The following VRK1 variants were observed in gnomAD, a reference collection of about 807,000 sequenced individuals.
VRK1 encodes the protein VRK serine/threonine kinase 1.
VRK1 carries 33 observed loss-of-function variants against 57.1 expected under a neutral mutation model. The observed-to-expected ratio is 0.58, with a 90% confidence interval of 0.44 to 0.77. VRK1 has a LOEUF of 0.77. Among genes scored for constraint, VRK1 ranks in the 30% least tolerant of loss-of-function variants. The pLI is 0.00. For synonymous variants in VRK1, 137 were observed against 147.8 expected, an observed-to-expected ratio of 0.93 and a Z score of 0.53; for missense variants, 413 against 477.3, an observed-to-expected ratio of 0.87 and a Z score of 1.25.
chr14:96,799,383 GT>G (rs1431297721), intron 1 of VRK1, among the ~76,000 whole-genome samples: 2 of 151,628 alleles, frequency 1.3e-5, no homozygotes, highest in African/African-American at 4.8e-5. Context: ...TAAGTGAAAT[GT>G]CCCAGATGTC....
chr14:96,858,997 A>G (rs1201999816), intron 10 of VRK1: 1 of 152,164 alleles, frequency 6.6e-6, no homozygotes, highest in Non-Finnish European at 1.5e-5. Flanking sequence ...TGACATCTTT[A>G]TACTGTTGAG....
Position 96,863,916 on chromosome 14 carries a change from C to G in VRK1, c.1068+3181C>G, listed in dbSNP as rs149441709. On this transcript the variant is annotated intron_variant, in intron 11 of 12. Coordinates refer to ENST00000216639, the MANE Select transcript of VRK1 (RefSeq NM_003384.3). ...GGTGGACAGCTTTCTTCCTTTCTTTCTGAAGGGATTGCACCTCGTACAGCC... is the reference window on the plus strand; with the variant it reads ...GGTGGACAGCTTTCTTCCTTTCTTTGTGAAGGGATTGCACCTCGTACAGCC... Among the ~76,000 whole-genome samples, 400 of 152,278 alleles carry G rather than the reference C, an allele frequency of 2.6e-3. 3 individuals are homozygous for G. In the Middle Eastern group the frequency reaches 0.041, roughly 16 times the overall value.
chr14:96,821,714 A>G (rs1886605624), intron 1 of VRK1, among the ~76,000 whole-genome samples: 1 of 152,148 alleles, frequency 6.6e-6, no homozygotes, highest in Non-Finnish European at 1.5e-5. Flanking sequence ...AAGACCTTCC[A>G]AGATTTCCCC....
chr14:96,855,678 T>C (rs1439049284), intron 8 of VRK1, among the ~76,000 whole-genome samples: 1 of 152,232 alleles, frequency 6.6e-6, no homozygotes, highest in African/African-American at 2.4e-5. Context: ...AAGTTTCTTA[T>C]GTATCTACAA....
intron 11 of VRK1, among the ~76,000 whole-genome samples, chr14:96,864,935 T>C (rs1888526640): frequency 6.6e-6 from 1 of 151,942 alleles, no homozygotes; most frequent in South Asian, 2.1e-4. Context: ...AAAAAAAAAT[T>C]GGGGTCGTTA....
chr14:96,806,365 T>C (rs1047665101), intron 1 of VRK1, among the ~76,000 whole-genome samples: 8 of 152,230 alleles, frequency 5.3e-5, no homozygotes, highest in African/African-American at 1.7e-4. Context: ...ACAGGACTAC[T>C]TCAAATAATC....
intron 1 of VRK1, among the ~76,000 whole-genome samples, chr14:96,821,465 A>G (rs1886593934): frequency 6.6e-6 from 1 of 152,202 alleles, no homozygotes. Context: ...ACAAAATACC[A>G]GAACTCTTAG....
At chr14:96,881,094 T>C in intron 12 of VRK1, 83 bp from the exon 13 acceptor site, 1 of 1,139,060 alleles carries the variant, frequency 8.8e-7, no homozygotes. Context: ...TTAATAACTA[T>C]ATTTAGGGAT....
chr14:96,852,545 A>G (rs1887991329), intron 5 of VRK1, among the ~76,000 whole-genome samples: 1 of 152,212 alleles, frequency 6.6e-6, no homozygotes, highest in Non-Finnish European at 1.5e-5. Flanking sequence ...TTTACCGTGA[A>G]TAAACTTGTT....
Position 96,852,812 on chromosome 14 carries a change from T to C in VRK1, c.375-19T>C, listed in dbSNP as rs756150767. 8.7e-6 allele frequency: 14 copies of C among 1,603,452 alleles called. No homozygotes were observed. In the South Asian group the frequency reaches 1.5e-4, roughly 18 times the overall value. On this transcript the variant is annotated intron_variant, in intron 5 of 12. Coordinates refer to ENST00000216639, the MANE Select transcript of VRK1 (RefSeq NM_003384.3). Reference sequence around the variant, plus strand: ...CTTGCATTGTATTTTGTTCATTGGCTTTTCATATTTGTCTTCAGTTACAGG... The same window carrying C: ...CTTGCATTGTATTTTGTTCATTGGCCTTTCATATTTGTCTTCAGTTACAGG...
intron 11 of VRK1, among the ~76,000 whole-genome samples, chr14:96,863,484 A>G (rs1471159284): frequency 6.6e-6 from 1 of 152,198 alleles, no homozygotes; most frequent in Non-Finnish European, 1.5e-5. Context: ...TCAGCAAGTT[A>G]AAAGGACATT....
intron 10 of VRK1, among the ~76,000 whole-genome samples, chr14:96,859,781 C>T (rs1489308629): frequency 1.3e-5 from 2 of 152,050 alleles, no homozygotes; most frequent in African/African-American, 4.8e-5. Context: ...ATCTCAGTAA[C>T]TGAGACAGAG....
intron 12 of VRK1, among the ~76,000 whole-genome samples, chr14:96,880,589 C>G (rs1444442789): frequency 6.6e-6 from 1 of 152,204 alleles, no homozygotes; most frequent in African/African-American, 2.4e-5. Context: ...TAGATAGGTA[C>G]TGTCATAAAG....
At chr14:96,802,990 G>T (rs2139677918) in intron 1 of VRK1, among the ~76,000 whole-genome samples, 1 of 152,168 alleles carries the variant, frequency 6.6e-6, no homozygotes, top group Admixed American at 6.5e-5. Context: ...CTCTTATTCT[G>T]TCCCAGGTGG....
At chr14:96,857,791 A>G (rs893183611) in intron 10 of VRK1, among the ~76,000 whole-genome samples, 1 of 152,184 alleles carries the variant, frequency 6.6e-6, no homozygotes, top group Admixed American at 6.5e-5. Flanking sequence ...CCTACTCCCC[A>G]TATCAATAAA....
intron 1 of VRK1, among the ~76,000 whole-genome samples, chr14:96,799,469 A>C (rs1369189427): frequency 6.6e-6 from 1 of 152,210 alleles, no homozygotes; most frequent in African/African-American, 2.4e-5. Flanking sequence ...ATAAGATATA[A>C]TGTACTATGA....
At chr14:96,832,018 A>G (rs1887023436) in intron 1 of VRK1, among the ~76,000 whole-genome samples, 1 of 151,842 alleles carries the variant, frequency 6.6e-6, no homozygotes. Flanking sequence ...ATTGACATGA[A>G]GAAATAAGAG....
chr14:96,815,858 C>G (rs1886372198), intron 1 of VRK1, among the ~76,000 whole-genome samples: 1 of 151,778 alleles, frequency 6.6e-6, no homozygotes, highest in Non-Finnish European at 1.5e-5. Context: ...CTATTGCACT[C>G]AGCCTGGGTG....
chr14:96,877,164 A>G (rs1209291059), intron 12 of VRK1, among the ~76,000 whole-genome samples: 1 of 151,980 alleles, frequency 6.6e-6, no homozygotes, highest in Non-Finnish European at 1.5e-5. Context: ...ATTTTACAGC[A>G]TAGGTGCCAT....
Sources: allele counts gnomAD v4.1 joint callset (sites outside exome capture counted in the v4.1 genomes callset), GRCh38; gene constraint gnomAD v4.1.1; transcripts MANE v1.5; gene names NCBI Gene and HGNC (gene_info 2026-07-23, HGNC 2026-07-21).